The following CCDC134 variants were observed in gnomAD, a reference collection of about 807,000 sequenced individuals.
CCDC134 encodes coiled-coil domain-containing protein 134.
Under a neutral mutation model 25.6 loss-of-function variants are expected in CCDC134, and 27 were observed. The observed-to-expected ratio is 1.05, with a 90% confidence interval of 0.78 to 1.45. CCDC134 has a LOEUF of 1.45. Ranked by LOEUF, CCDC134 falls within the 40% of genes most tolerant of loss-of-function variation. The pLI is 0.00. For synonymous variants in CCDC134, 110 were observed against 115.0 expected, an observed-to-expected ratio of 0.96 and a Z score of 0.28; for missense variants, 261 against 286.7, an observed-to-expected ratio of 0.91 and a Z score of 0.65.
intron 1 of CCDC134, among the ~76,000 whole-genome samples, chr22:41,808,654 C>T (rs571679274): frequency 2.6e-5 from 4 of 152,326 alleles, no homozygotes; most frequent in African/African-American, 9.6e-5. Context: ...TCCTGTGTTA[C>T]ACACACTTAT....
At chr22:41,802,833 G>C (rs2076550301) in intron 1 of CCDC134, among the ~76,000 whole-genome samples, 2 of 151,746 alleles carry the variant, frequency 1.3e-5, no homozygotes, top group East Asian at 1.9e-4. Flanking sequence ...AGAATGGCGT[G>C]AACCCAGGAG....
intron 6 of CCDC134, among the ~76,000 whole-genome samples, chr22:41,820,662 TGA>T (rs1330896475): frequency 6.6e-6 from 1 of 152,012 alleles, no homozygotes; most frequent in Admixed American, 6.6e-5. Context: ...GCATATGTGG[TGA>T]GAGAGAGAGG....
intron 4 of CCDC134, among the ~76,000 whole-genome samples, chr22:41,811,139 CA>C (rs2076594045): frequency 6.6e-6 from 1 of 152,118 alleles, no homozygotes; most frequent in Non-Finnish European, 1.5e-5. Flanking sequence ...AGGCTGGCTC[CA>C]ATAGGGACTG....
chr22:41,812,894 C>T (rs866968034), intron 4 of CCDC134, among the ~76,000 whole-genome samples: 21 of 152,216 alleles, frequency 1.4e-4, no homozygotes, highest in African/African-American at 4.8e-4. Context: ...GTGTGCAGAA[C>T]AACACTCACT....
chr22:41,809,478 G>T (rs978308243), intron 2 of CCDC134, among the ~76,000 whole-genome samples: 1 of 152,214 alleles, frequency 6.6e-6, no homozygotes, highest in Non-Finnish European at 1.5e-5. Flanking sequence ...GAGAAACACT[G>T]TGTGATGGTT....
chr22:41,816,539 A>G (rs2076623600), intron 6 of CCDC134, among the ~76,000 whole-genome samples: 1 of 152,180 alleles, frequency 6.6e-6, no homozygotes, highest in Non-Finnish European at 1.5e-5. Flanking sequence ...GCTTGGGCAG[A>G]CCCTAGGATT....
rs2076708619 is a variant in CCDC134 at position 41,831,355 on chromosome 22, TTTTG to T, written c.*5534_*5537del. The T allele has an allele frequency of 6.6e-6, 1 of 151,972 alleles. No individual in the cohort carries two copies. Among genetic ancestry groups the T allele is most frequent in the African/African-American group, 2.4e-5 (1 of 41,318 alleles). 9.4% of individuals were successfully genotyped at this position (151,972 alleles called of 1,614,324 possible). On this transcript the variant is annotated 3_prime_UTR_variant, in exon 7 of 7. Transcript: ENST00000255784. Reference sequence around the variant, plus strand: ...GCATGCGCCACCACACCCGGCTAATTTTTGTATTTTTAGTAGAGACGGGGTTTCA... The same window carrying T: ...GCATGCGCCACCACACCCGGCTAATTTATTTTTAGTAGAGACGGGGTTTCA...
In CCDC134 at chr22:41,827,826, G is replaced by T. The variant is rs1319354846; in HGVS notation, c.*2003G>T. Among the ~76,000 whole-genome samples, 1 of 152,208 alleles carries T rather than the reference G, an allele frequency of 6.6e-6. No homozygotes were observed. The highest frequency in any genetic ancestry group is 1.9e-4 in the East Asian group (1 of 5,198). On this transcript the variant is annotated 3_prime_UTR_variant, in exon 7 of 7. Coordinates refer to ENST00000255784, the MANE Select transcript of CCDC134 (RefSeq NM_024821.5). ...TGTCCTGGTGCCAGCAGCTGGAGCT[G>T]GGTGTCAGGACCAGCCCGCAAGCTC... is the stretch of plus-strand genomic sequence containing the variant.
At chr22:41,802,710 C>A (rs1053917260) in intron 1 of CCDC134, among the ~76,000 whole-genome samples, 1 of 151,794 alleles carries the variant, frequency 6.6e-6, no homozygotes, top group African/African-American at 2.4e-5. Flanking sequence ...GTGAGGAGAT[C>A]GAGACCATCC....
chr22:41,809,831 G>T, intron 2 of CCDC134, 48 bp from the exon 3 acceptor site: 1 of 1,611,296 alleles, frequency 6.2e-7, no homozygotes, highest in Non-Finnish European at 8.5e-7. Flanking sequence ...CTGCTGGATT[G>T]TCCAGGCAGG....
chr22:41,809,279 G>C (rs1229229336), intron 2 of CCDC134, among the ~76,000 whole-genome samples: 2 of 152,194 alleles, frequency 1.3e-5, no homozygotes, highest in Non-Finnish European at 2.9e-5. Flanking sequence ...CAGGAATTCT[G>C]GATTACTGGC....
intron 6 of CCDC134, among the ~76,000 whole-genome samples, chr22:41,819,344 T>G (rs2076637857): frequency 6.6e-6 from 1 of 152,172 alleles, no homozygotes; most frequent in East Asian, 1.9e-4. Flanking sequence ...GGTGTAACTG[T>G]TATACTGGTA....
intron 5 of CCDC134, 128 bp downstream of exon 5, chr22:41,813,573 T>C: frequency 3.1e-6 from 4 of 1,272,054 alleles, no homozygotes; most frequent in Non-Finnish European, 4.4e-6. Context: ...CTTCAGGGTA[T>C]CTTGGGCCAC....
chr22:41,823,994 G>A (rs967686648), intron 6 of CCDC134, among the ~76,000 whole-genome samples: 1 of 152,178 alleles, frequency 6.6e-6, no homozygotes, highest in Non-Finnish European at 1.5e-5. Flanking sequence ...CTATTCTAAC[G>A]TGGCTTGCTC....
intron 6 of CCDC134, among the ~76,000 whole-genome samples, chr22:41,822,332 G>A (rs556776390): frequency 2.0e-5 from 3 of 152,208 alleles, no homozygotes; most frequent in East Asian, 1.9e-4. Flanking sequence ...TGAAGACAGC[G>A]GAGGCACAGG....
chr22:41,821,807 C>T (rs1285147098), intron 6 of CCDC134, among the ~76,000 whole-genome samples: 1 of 152,076 alleles, frequency 6.6e-6, no homozygotes, highest in African/African-American at 2.4e-5. Flanking sequence ...TAACCTTGAA[C>T]AGGAGGGCGG....
intron 6 of CCDC134, among the ~76,000 whole-genome samples, chr22:41,824,264 A>G (rs889382678): frequency 6.6e-6 from 1 of 152,212 alleles, no homozygotes; most frequent in Non-Finnish European, 1.5e-5. Context: ...GGTGTTGGAA[A>G]GAGCGTTCTG....
In CCDC134 at chr22:41,810,092, A is replaced by G. The variant is rs1310028740; in HGVS notation, c.225+92A>G. The G allele has an allele frequency of 7.5e-6, 12 of 1,598,940 alleles. No individual in the cohort carries two copies. The South Asian group carries it at 1.3e-4, about 18-fold the overall frequency. ...GGAGTTCCCTAACGGGTTGGTGTTC[A>G]GGGACAGGGGAACTGCGCACACGTA... On this transcript the variant is annotated intron_variant, in intron 3 of 6. Transcript: ENST00000255784.
At chr22:41,808,211 G>T (rs2076577706) in intron 1 of CCDC134, among the ~76,000 whole-genome samples, 1 of 151,922 alleles carries the variant, frequency 6.6e-6, no homozygotes, top group African/African-American at 2.4e-5. Flanking sequence ...CATGTTGCCT[G>T]AATATGAACA....
Sources: allele counts gnomAD v4.1 joint callset (sites outside exome capture counted in the v4.1 genomes callset), GRCh38; gene constraint gnomAD v4.1.1; transcripts MANE v1.5; gene names NCBI Gene and HGNC (gene_info 2026-07-23, HGNC 2026-07-21).